TNIP1: variants seen among roughly 807,000 people sequenced by gnomAD.
TNIP1 encodes the protein TNFAIP3-interacting protein 1.
TNIP1 carries 22 observed loss-of-function variants against 86.6 expected under a neutral mutation model. The ratio of observed to expected loss-of-function variants is 0.25; its 90% CI spans 0.18 to 0.36. TNIP1 has a LOEUF of 0.36. Among genes scored for constraint, TNIP1 ranks in the 10% least tolerant of loss-of-function variants. TNIP1 has a pLI of 1.00. For missense variants in TNIP1, 709 were observed against 820.6 expected, an observed-to-expected ratio of 0.86 and a Z score of 1.66; for synonymous variants, 294 against 313.0, an observed-to-expected ratio of 0.94 and a Z score of 0.64.
At chr5:151,039,625 A>T (rs1384218274) in intron 11 of TNIP1, among the ~76,000 whole-genome samples, 1 of 152,068 alleles carries the variant, frequency 6.6e-6, no homozygotes, top group East Asian at 1.9e-4. Context: ...CTGAATGCGA[A>T]ATTTTGTTGT....
chr5:151,075,521 T>A (rs941272123), intron 1 of TNIP1, among the ~76,000 whole-genome samples: 1 of 152,242 alleles, frequency 6.6e-6, no homozygotes, highest in African/African-American at 2.4e-5. Flanking sequence ...CCCCAGTGTC[T>A]ACTGTTGCCA....
intron 1 of TNIP1, among the ~76,000 whole-genome samples, chr5:151,075,096 T>TA (rs1331820591): frequency 6.6e-6 from 1 of 151,020 alleles, no homozygotes; most frequent in Non-Finnish European, 1.5e-5. Flanking sequence ...TTTTTAAACA[T>TA]AAAAAAATAC....
At position 151,030,563 on chromosome 5, in the gene TNIP1, CA is replaced by C; in HGVS notation, c.*149del. The C allele has an allele frequency of 7.8e-7, 1 of 1,278,514 alleles. No homozygotes were observed. The highest frequency in any genetic ancestry group is 1.1e-6 in the Non-Finnish European group (1 of 902,924). The allele number at this position is 1,278,514 out of a possible 1,614,324, so 79.2% of individuals were successfully genotyped here. ...CCCCAGTCCTGTAAACAGCTCAGTT[CA>C]GGGACTGGTGTACAAGCTGGCCACC... On this transcript the variant is annotated 3_prime_UTR_variant, in exon 18 of 18. Transcript: ENST00000521591.
intron 16 of TNIP1, 43 bp downstream of exon 16, chr5:151,033,565 G>A (rs368609279): frequency 2.3e-5 from 30 of 1,301,710 alleles, no homozygotes; most frequent in Non-Finnish European, 1.8e-5. Flanking sequence ...GTCTGGGGCA[G>A]CCTCTGTGTG....
chr5:151,081,407 G>T (rs1425877526), upstream of TNIP1, among the ~76,000 whole-genome samples: 1 of 152,058 alleles, frequency 6.6e-6, no homozygotes, highest in Non-Finnish European at 1.5e-5. Context: ...CCAGAACAGG[G>T]AGGGGACCTG....
chr5:151,049,857 C>G lies in TNIP1; in HGVS notation c.813G>C (p.Gly271=). Residue 271 remains glycine, a synonymous_variant, in exon 8 of 18, where the codon GGG becomes GGC. Transcript: ENST00000521591. ...SGRPGSPKME[G]TGKKAVAGQQ... ...GTCCAGCCACTGCCTTCTTGCCTGT[C>G]CCTTCCATCTTCGGTGAGCCTGGCC... 6.2e-7 allele frequency: 1 copy of G among 1,614,188 alleles called. No individual in the cohort carries two copies. Among genetic ancestry groups the G allele is most frequent in the Non-Finnish European group, 8.5e-7 (1 of 1,180,036 alleles).
Position 151,054,440 on chromosome 5 carries a change from G to C in TNIP1, c.628-2181C>G, listed in dbSNP as rs192459114. Among the ~76,000 whole-genome samples the C allele has an allele frequency of 1.1e-3, 173 of 152,292 alleles. 1 individual carries two copies. The highest frequency in any genetic ancestry group is 2.2e-3 in the Non-Finnish European group (150 of 68,020). Reference sequence around the variant, plus strand: ...TCACACCAGTAATCCCAGCACTTTGGGAGGCTGAGGCAGGAGGATCACTTG... The same window carrying C: ...TCACACCAGTAATCCCAGCACTTTGCGAGGCTGAGGCAGGAGGATCACTTG... On this transcript the variant is annotated intron_variant, in intron 6 of 17. Transcript: ENST00000521591.
chr5:151,073,394 T>C (rs936439123), intron 1 of TNIP1, among the ~76,000 whole-genome samples: 4 of 152,164 alleles, frequency 2.6e-5, no homozygotes, highest in African/African-American at 9.7e-5. Flanking sequence ...TAGACATTTT[T>C]GCTATTCTTG....
At position 151,063,766 on chromosome 5, in the gene TNIP1, A is replaced by G; in HGVS notation, c.137-19T>C. The G allele has an allele frequency of 6.2e-7, 1 of 1,609,162 alleles. No individual in the cohort carries two copies. The highest frequency in any genetic ancestry group is 1.1e-5 in the South Asian group (1 of 91,016). ...AGCTCCCCTAGAGTTATTGGGGAAGAGGAAGCAAAAGCATTTACTCGGCTC... is the reference window on the plus strand; with the variant it reads ...AGCTCCCCTAGAGTTATTGGGGAAGGGGAAGCAAAAGCATTTACTCGGCTC... On this transcript the variant is annotated intron_variant, in intron 2 of 17. Transcript: ENST00000521591.
chr5:151,035,096 TG>T, intron 14 of TNIP1, 29 bp from the exon 15 acceptor site: 1 of 1,608,802 alleles, frequency 6.2e-7, no homozygotes, highest in Non-Finnish European at 8.5e-7. Flanking sequence ...GAGAAAAGAC[TG>T]TCGGCACAGG....
upstream of TNIP1, among the ~76,000 whole-genome samples, chr5:151,085,968 C>T (rs781559015): frequency 2.0e-5 from 3 of 152,236 alleles, no homozygotes; most frequent in Non-Finnish European, 2.9e-5. Flanking sequence ...GCTCTCCCTC[C>T]ATTCCTCTGT....
At chr5:151,048,339 C>T in intron 8 of TNIP1, among the ~76,000 whole-genome samples, 1 of 152,166 alleles carries the variant, frequency 6.6e-6, no homozygotes, top group East Asian at 1.9e-4. Flanking sequence ...GACGCTAAAC[C>T]TACTTTACAA....
intron 15 of TNIP1, 46 bp from the exon 16 acceptor site, chr5:151,033,845 A>G (rs2233305): frequency 7.3e-7 from 1 of 1,376,320 alleles, no homozygotes; most frequent in Non-Finnish European, 9.5e-7. Context: ...ACAGGCTGCA[A>G]AGGACACCCA....
At chr5:151,063,540 G>A (rs1430396300) in intron 3 of TNIP1, 73 bp downstream of exon 3, 1 of 1,570,084 alleles carries the variant, frequency 6.4e-7, no homozygotes, top group Non-Finnish European at 8.7e-7. Context: ...GGCATAAGAA[G>A]GGAGTTCACT....
intron 8 of TNIP1, among the ~76,000 whole-genome samples, chr5:151,047,932 C>T (rs1193363853): frequency 1.3e-5 from 2 of 151,832 alleles, no homozygotes; most frequent in African/African-American, 2.4e-5. Context: ...CTATTCTCAG[C>T]GTTCTCTTTC....
chr5:151,037,355 A>C (rs1170089071), intron 12 of TNIP1: 1 of 153,244 alleles, frequency 6.5e-6, no homozygotes, highest in East Asian at 1.9e-4. Context: ...CCTAGAAGGA[A>C]GATTAAGTCC....
chr5:151,062,062 T>C, intron 4 of TNIP1, 65 bp downstream of exon 4: 1 of 1,412,384 alleles, frequency 7.1e-7, no homozygotes, highest in Admixed American at 1.8e-5. Context: ...CATGTTCTTG[T>C]ATCTGTCAGT....
At chr5:151,062,089 C>T in intron 4 of TNIP1, 38 bp downstream of exon 4, 1 of 1,594,702 alleles carries the variant, frequency 6.3e-7, no homozygotes, top group Non-Finnish European at 8.6e-7. Context: ...TGAGGTCCAT[C>T]CAGGCAACCT....
chr5:151,031,927 G>A (rs1218943139), intron 17 of TNIP1: 3 of 185,242 alleles, frequency 1.6e-5, no homozygotes, highest in Non-Finnish European at 3.3e-5. Flanking sequence ...CACAGAAACC[G>A]GCTCTTCTTC....
Sources: allele counts gnomAD v4.1 joint callset (sites outside exome capture counted in the v4.1 genomes callset), GRCh38; gene constraint gnomAD v4.1.1; transcripts MANE v1.5; gene names NCBI Gene and HGNC (gene_info 2026-07-23, HGNC 2026-07-21).